The following CHL1 variants were observed in gnomAD, a reference collection of about 807,000 sequenced individuals.
The protein encoded by CHL1 is neural cell adhesion molecule L1-like protein.
In CHL1, 96 loss-of-function variants were observed where a neutral mutation model predicts 141.9. That is an observed-to-expected ratio of 0.68 (90% CI 0.57 to 0.80). CHL1 has a LOEUF of 0.80. CHL1 is among the 30% of genes least tolerant of loss of function. The pLI is 0.00. For synonymous variants in CHL1, 613 were observed against 502.2 expected (o/e 1.22, Z -2.95); for missense variants, 1,820 against 1,457.2 (o/e 1.25, Z -4.05).
intron 9 of CHL1, among the ~76,000 whole-genome samples, chr3:348,601 GT>G (rs1427421390): frequency 3.9e-5 from 6 of 152,152 alleles, no homozygotes; most frequent in African/African-American, 1.2e-4. Context: ...CCTTACTAAG[GT>G]GGGGAAAGTT....
At chr3:218,580 C>A (rs565909328) in intron 1 of CHL1, among the ~76,000 whole-genome samples, 1 of 152,174 alleles carries the variant, frequency 6.6e-6, no homozygotes, top group South Asian at 2.1e-4. Flanking sequence ...AAGTTTTAGC[C>A]CATATATTGA....
intron 15 of CHL1, chr3:376,536 C>G (rs912032470): frequency 2.6e-6 from 1 of 388,016 alleles, no homozygotes; most frequent in African/African-American, 2.1e-5. Context: ...ATAGTGCAAC[C>G]ATGACTTGCC....
chr3:354,487 T>C (rs1703531557), intron 10 of CHL1, among the ~76,000 whole-genome samples, 153 bp from the exon 11 acceptor site: 1 of 152,094 alleles, frequency 6.6e-6, no homozygotes, highest in South Asian at 2.1e-4. Flanking sequence ...AGCTCCCACC[T>C]TGCTTTGCAG....
chr3:259,373 A>G (rs11920163), intron 2 of CHL1, among the ~76,000 whole-genome samples: 4 of 151,998 alleles, frequency 2.6e-5, no homozygotes, highest in African/African-American at 7.3e-5. Flanking sequence ...TAGGAATTGC[A>G]GAGAAATACG....
chr3:312,381 T>C (rs1276782298), intron 2 of CHL1, among the ~76,000 whole-genome samples: 1 of 152,180 alleles, frequency 6.6e-6, no homozygotes, highest in Non-Finnish European at 1.5e-5. Context: ...ATGCACAGTG[T>C]TTCCTTTGTT....
intron 2 of CHL1, among the ~76,000 whole-genome samples, chr3:300,705 C>G (rs1698644895): frequency 6.6e-6 from 1 of 151,906 alleles, no homozygotes; most frequent in South Asian, 2.1e-4. Context: ...AGACATTACA[C>G]TAGTGAATGT....
rs545531627 is a variant in CHL1, at chr3:383,822, A to G, written c.2183A>G (p.Asp728Gly). Residue 728 changes from aspartate (D) to glycine (G), a missense_variant, in exon 19 of 28, where the codon GAT becomes GGT. Transcript: ENST00000256509. ...DHHETPPAAP[D>G]RNPQNIRVQA... is the part of the protein sequence containing the mutation. Reference sequence around the variant, plus strand: ...AATGTTTTTAATTTTTCAGCTCCAGATAGGAATCCACAAAACATAAGGGTT... The same window carrying G: ...AATGTTTTTAATTTTTCAGCTCCAGGTAGGAATCCACAAAACATAAGGGTT... The G allele has an allele frequency of 6.2e-7, 1 of 1,609,564 alleles. No homozygotes were observed. The highest frequency in any genetic ancestry group is 1.1e-5 in the South Asian group (1 of 90,794).
intron 5 of CHL1, among the ~76,000 whole-genome samples, chr3:337,899 G>A (rs544796047): frequency 6.6e-6 from 1 of 152,154 alleles, no homozygotes; most frequent in Non-Finnish European, 1.5e-5. Context: ...GTAATGGGAT[G>A]GCTGGGTCAA....
intron 2 of CHL1, among the ~76,000 whole-genome samples, chr3:270,399 A>G (rs1348887437): frequency 1.3e-5 from 2 of 152,136 alleles, no homozygotes; most frequent in South Asian, 2.1e-4. Flanking sequence ...TTTCTAACCA[A>G]TCATAGGTAG....
chr3:305,031 G>A (rs1006787948), intron 2 of CHL1, among the ~76,000 whole-genome samples: 1 of 152,050 alleles, frequency 6.6e-6, no homozygotes, highest in African/African-American at 2.4e-5. Flanking sequence ...GTTTTTGACT[G>A]TCAGGCATGT....
chr3:362,053 A>G (rs1006103396), intron 13 of CHL1, among the ~76,000 whole-genome samples: 3 of 152,226 alleles, frequency 2.0e-5, no homozygotes, highest in Non-Finnish European at 4.4e-5. Flanking sequence ...AAAGAAAAGC[A>G]GAGAATTGAA....
At chr3:217,314 G>T (rs1009112171) in intron 1 of CHL1, among the ~76,000 whole-genome samples, 5 of 152,030 alleles carry the variant, frequency 3.3e-5, no homozygotes, top group African/African-American at 9.7e-5. Flanking sequence ...AGAAGCCATT[G>T]GTTCATTTAT....
intron 19 of CHL1, among the ~76,000 whole-genome samples, chr3:386,924 G>A (rs9826283): frequency 0.055 from 8,333 of 152,150 alleles, 785 homozygotes; most frequent in African/African-American, 0.19. Context: ...ATAAGTATAT[G>A]AAGTAACATA....
intron 1 of CHL1, among the ~76,000 whole-genome samples, chr3:225,226 C>T (rs1350548395): frequency 6.6e-6 from 1 of 152,150 alleles, no homozygotes; most frequent in Non-Finnish European, 1.5e-5. Context: ...TTATTGCCCA[C>T]TGAGTATGTA....
Position 265,337 on chromosome 3 carries a change from A to C in CHL1, c.-95+20645A>C, listed in dbSNP as rs143893687. Among the ~76,000 whole-genome samples the C allele has an allele frequency of 5.0e-3, 757 of 152,350 alleles. 9 individuals are homozygous for C. Among genetic ancestry groups the C allele is most frequent in the African/African-American group, 0.017 (711 of 41,578 alleles). On this transcript the variant is annotated intron_variant, in intron 2 of 27. Coordinates refer to ENST00000256509, the MANE Select transcript of CHL1 (RefSeq NM_006614.4). ...ATCAGAAGATAGTGGTTAAGTGCTT[A>C]GAGTGCACAGACTAAATGTTCAATT...
chr3:401,468 A>T (rs1175872678), intron 26 of CHL1, among the ~76,000 whole-genome samples, 158 bp from the exon 27 acceptor site: 1 of 152,146 alleles, frequency 6.6e-6, no homozygotes, highest in Non-Finnish European at 1.5e-5. Flanking sequence ...GAAGCAACTG[A>T]TGGGCTGTAG....
intron 2 of CHL1, among the ~76,000 whole-genome samples, chr3:284,501 A>T (rs896235942): frequency 3.3e-5 from 5 of 152,174 alleles, no homozygotes; most frequent in African/African-American, 1.2e-4. Flanking sequence ...TTTTTTATTG[A>T]GGGAGCATAG....
intron 3 of CHL1, among the ~76,000 whole-genome samples, chr3:320,827 G>A (rs1347897870): frequency 1.6e-4 from 24 of 152,028 alleles, no homozygotes; most frequent in Non-Finnish European, 2.5e-4. Context: ...CCCACGAGAG[G>A]TTATTAAGAC....
chr3:201,044 T>G, intron 1 of CHL1, among the ~76,000 whole-genome samples: 2 of 152,228 alleles, frequency 1.3e-5, no homozygotes, highest in Non-Finnish European at 2.9e-5. Context: ...GTTTATCTTC[T>G]GAGAATAAAA....
Sources: gnomAD v4.1 joint callset for allele counts (sites outside exome capture counted in the v4.1 genomes callset) on GRCh38, gnomAD v4.1.1 for gene constraint, MANE v1.5 for transcripts, NCBI Gene and HGNC (gene_info 2026-07-23, HGNC 2026-07-21) for gene names.